Variants in GHR observed in about 807,000 individuals in gnomAD.
The protein encoded by GHR is GH receptor.
Under a neutral mutation model 67.1 loss-of-function variants are expected in GHR, and 35 were observed. The ratio of observed to expected loss-of-function variants is 0.52; its 90% CI spans 0.40 to 0.69. The LOEUF (loss-of-function observed/expected upper bound fraction) is 0.69, where lower values mean the gene tolerates loss of function less well. Ranked by LOEUF, GHR falls within the 30% of genes least tolerant of loss-of-function variation. The pLI, the probability that GHR is intolerant of heterozygous loss-of-function variation, is 0.00. For synonymous variants in GHR, 272 were observed against 269.1 expected, an observed-to-expected ratio of 1.01 and a Z score of -0.10; for missense variants, 792 against 764.6, an observed-to-expected ratio of 1.04 and a Z score of -0.42.
At chr5:42,517,869 T>C (rs1015642949) in intron 1 of GHR, among the ~76,000 whole-genome samples, 17 of 152,100 alleles carry the variant, frequency 1.1e-4, no homozygotes, top group African/African-American at 4.1e-4. Flanking sequence ...CTCTTGATGC[T>C]GTGCCCTGTC....
At chr5:42,428,415 GC>G in intron 1 of GHR, among the ~76,000 whole-genome samples, 1 of 152,276 alleles carries the variant, frequency 6.6e-6, no homozygotes, top group Admixed American at 6.5e-5. Flanking sequence ...GATGTGAGGG[GC>G]TGCCATAAAG....
chr5:42,647,180 C>A (rs144827431), intron 3 of GHR, among the ~76,000 whole-genome samples: 107 of 152,172 alleles, frequency 7.0e-4, no homozygotes, highest in African/African-American at 2.5e-3. Flanking sequence ...AAACACTGAG[C>A]TGTACTGTGC....
intron 3 of GHR, among the ~76,000 whole-genome samples, chr5:42,687,265 A>C (rs1466718631): frequency 6.6e-6 from 1 of 152,228 alleles, no homozygotes; most frequent in Non-Finnish European, 1.5e-5. Flanking sequence ...TATAGATTCA[A>C]TGCTATCCCC....
intron 1 of GHR, among the ~76,000 whole-genome samples, chr5:42,429,808 G>A (rs558642760): frequency 3.9e-4 from 59 of 152,308 alleles, no homozygotes; most frequent in African/African-American, 1.4e-3. Flanking sequence ...TTATAGACAG[G>A]TAGGGACTAT....
intron 2 of GHR, among the ~76,000 whole-genome samples, chr5:42,581,202 T>C (rs1050971072): frequency 6.6e-6 from 1 of 152,210 alleles, no homozygotes; most frequent in African/African-American, 2.4e-5. Context: ...CTGCACATTA[T>C]GATGGAGAGG....
At chr5:42,653,424 A>G (rs1343497427) in intron 3 of GHR, among the ~76,000 whole-genome samples, 1 of 152,108 alleles carries the variant, frequency 6.6e-6, no homozygotes, top group Admixed American at 6.6e-5. Flanking sequence ...TCTAAACCCC[A>G]GGTTTGCTCA....
At chr5:42,626,219 G>T (rs1753694767) in intron 2 of GHR, among the ~76,000 whole-genome samples, 1 of 152,138 alleles carries the variant, frequency 6.6e-6, no homozygotes, top group Admixed American at 6.5e-5. Flanking sequence ...AATAGCATCA[G>T]ATAACCACAG....
chr5:42,638,015 C>T (rs1167165563), intron 3 of GHR, among the ~76,000 whole-genome samples: 1 of 152,198 alleles, frequency 6.6e-6, no homozygotes, highest in African/African-American at 2.4e-5. Flanking sequence ...TTTCGGCTCA[C>T]TGCACTCTCC....
chr5:42,621,044 A>T (rs542321184), intron 2 of GHR, among the ~76,000 whole-genome samples: 1 of 152,206 alleles, frequency 6.6e-6, no homozygotes, highest in South Asian at 2.1e-4. Context: ...CATTGCTGTG[A>T]TTAATCTGCG....
chr5:42,580,977 A>C (rs1751136125), intron 2 of GHR, among the ~76,000 whole-genome samples: 1 of 152,156 alleles, frequency 6.6e-6, no homozygotes, highest in Non-Finnish European at 1.5e-5. Context: ...ATTCCTTGAA[A>C]ATTACCACTG....
At chr5:42,633,000 T>C (rs1322737947) in intron 3 of GHR, among the ~76,000 whole-genome samples, 1 of 152,230 alleles carries the variant, frequency 6.6e-6, no homozygotes, top group Non-Finnish European at 1.5e-5. Context: ...ACGTTCTTTG[T>C]AGTTTTTCAA....
At chr5:42,544,213 A>G (rs1579910235) in intron 1 of GHR, among the ~76,000 whole-genome samples, 1 of 152,194 alleles carries the variant, frequency 6.6e-6, no homozygotes, top group Admixed American at 6.5e-5. Flanking sequence ...ATAAAATAGC[A>G]GAAAGAAAAA....
intron 3 of GHR, among the ~76,000 whole-genome samples, chr5:42,669,683 T>TACC (rs1756172603): frequency 6.6e-6 from 1 of 152,204 alleles, no homozygotes; most frequent in Non-Finnish European, 1.5e-5. Context: ...CATCAAATGC[T>TACC]ACCCATTAAA....
At chr5:42,696,598 C>T (rs1757685040) in intron 5 of GHR, among the ~76,000 whole-genome samples, 1 of 152,100 alleles carries the variant, frequency 6.6e-6, no homozygotes, top group African/African-American at 2.4e-5. Context: ...TTAGTAGTCC[C>T]AACATGTTCA....
chr5:42,491,940 G>C (rs538077635), intron 1 of GHR, among the ~76,000 whole-genome samples: 2 of 152,218 alleles, frequency 1.3e-5, no homozygotes, highest in Non-Finnish European at 2.9e-5. Context: ...GCCTGGATAT[G>C]GAGACCTTGA....
At chr5:42,690,115 G>A (rs1757354049) in intron 4 of GHR, among the ~76,000 whole-genome samples, 1 of 152,216 alleles carries the variant, frequency 6.6e-6, no homozygotes, top group African/African-American at 2.4e-5. Context: ...GAAGGCCTAA[G>A]CCAAGATGCA....
chr5:42,657,661 A>G (rs574444793), intron 3 of GHR, among the ~76,000 whole-genome samples: 1 of 152,308 alleles, frequency 6.6e-6, no homozygotes, highest in South Asian at 2.1e-4. Flanking sequence ...CCTAATCTCT[A>G]TCCCTTTTTT....
intron 1 of GHR, among the ~76,000 whole-genome samples, chr5:42,469,371 A>ATTATT (rs1211973711): frequency 2.0e-5 from 3 of 152,222 alleles, no homozygotes; most frequent in Non-Finnish European, 2.9e-5. Context: ...ATTATTCACA[A>ATTATT]TTATAGATAA....
chr5:42,548,298 A>G (rs1271535333), intron 1 of GHR: 4 of 985,238 alleles, frequency 4.1e-6, no homozygotes, highest in Non-Finnish European at 4.8e-6. Flanking sequence ...ATCAAAGCAG[A>G]AAGACCAAGA....
Sources: gnomAD v4.1 joint callset for allele counts (sites outside exome capture counted in the v4.1 genomes callset) on GRCh38, gnomAD v4.1.1 for gene constraint, MANE v1.5 for transcripts, NCBI Gene and HGNC (gene_info 2026-07-23, HGNC 2026-07-21) for gene names.